The following HLA-DPA1 variants were observed in gnomAD, a reference collection of about 807,000 sequenced individuals.
The protein encoded by HLA-DPA1 is HLA class II histocompatibility antigen, DP alpha 1 chain.
Under a neutral mutation model 21.5 loss-of-function variants are expected in HLA-DPA1, and 20 were observed. The observed-to-expected ratio is 0.93, with a 90% CI of 0.66 to 1.35. HLA-DPA1 has a LOEUF of 1.35. Among genes scored for constraint, HLA-DPA1 ranks in the 40% most tolerant of loss-of-function variants. HLA-DPA1 has a pLI of 0.00. For missense variants in HLA-DPA1, 279 were observed against 323.0 expected (o/e 0.86, Z 1.05); for synonymous variants, 123 against 129.6 (o/e 0.95, Z 0.35).
chr6:33,071,518 T>A (rs28452918), intron 2 of HLA-DPA1, among the ~76,000 whole-genome samples: 43,978 of 152,072 alleles, frequency 0.29, 8,422 homozygotes, highest in East Asian at 0.69. Context: ...AGATTATTTT[T>A]CTTCAAAATA....
At chr6:33,070,769 C>T (rs2301223) in intron 2 of HLA-DPA1, among the ~76,000 whole-genome samples, 13,997 of 152,088 alleles carry the variant, frequency 0.092, 1,536 homozygotes, top group East Asian at 0.55. Flanking sequence ...AAACTCATGA[C>T]TTGGGGGTTT....
intron 2 of HLA-DPA1, among the ~76,000 whole-genome samples, chr6:33,071,376 A>G (rs973656665): frequency 1.3e-5 from 2 of 152,242 alleles, no homozygotes; most frequent in Non-Finnish European, 2.9e-5. Flanking sequence ...TAAAATAAAA[A>G]GACACAAAGT....
At chr6:33,073,601 C>A in exon 2 of HLA-DPA1, 1 of 1,524,822 alleles carries the variant, frequency 6.6e-7, no homozygotes, top group Non-Finnish European at 9.1e-7. Context: ...TGACTGTGAG[C>A]ACAGGAACAG....
At chr6:33,079,842 C>A in intron 1 of HLA-DPA1, 1 of 375,882 alleles carries the variant, frequency 2.7e-6, no homozygotes, top group South Asian at 2.1e-5. Flanking sequence ...CCAGGGTGCA[C>A]AGCTAAGAAA....
chr6:33,070,464 A>G (rs1032302941), intron 2 of HLA-DPA1, among the ~76,000 whole-genome samples: 1 of 152,156 alleles, frequency 6.6e-6, no homozygotes, highest in Non-Finnish European at 1.5e-5. Context: ...GGGGGAATGG[A>G]CATTTTCTTT....
chr6:33,080,285 TA>T lies in HLA-DPA1; in HGVS notation c.-100+394del. On this transcript the variant is annotated intron_variant, in intron 1 of 5. Coordinates refer to ENST00000419277, the Ensembl canonical transcript of HLA-DPA1. This position sits in a 1 kb window ranked among gnomAD's most constrained non-coding sequence, Gnocchi z 4.3. ...TGGAAATGTCAGTCAGGGAGTTAAG[TA>T]GGGGGAGCAGCTCCGCCCTCCACGT... 2.6e-6 allele frequency: 1 copy of T among 389,208 alleles called. No individual in the cohort carries two copies. Among genetic ancestry groups the T allele is most frequent in the Admixed American group, 3.5e-5 (1 of 28,750 alleles). 24.1% of individuals were successfully genotyped at this position (389,208 alleles called of 1,614,324 possible).
chr6:33,073,784 A>C (rs1011129713), intron 1 of HLA-DPA1, 135 bp from the exon 1 acceptor site: 43 of 526,620 alleles, frequency 8.2e-5, no homozygotes, highest in Non-Finnish European at 1.2e-4. Context: ...TGGGGAAGAG[A>C]TGGGAGAATT....
chr6:33,077,778 C>T (rs1245951361), intron 1 of HLA-DPA1, among the ~76,000 whole-genome samples: 1 of 152,084 alleles, frequency 6.6e-6, no homozygotes, highest in African/African-American at 2.4e-5. Flanking sequence ...TAGGACACAC[C>T]TAGAAGGTAC....
intron 1 of HLA-DPA1, among the ~76,000 whole-genome samples, chr6:33,077,519 C>T (rs930953531): frequency 6.6e-5 from 10 of 152,242 alleles, no homozygotes; most frequent in Admixed American, 5.9e-4. Context: ...CATCTCACAC[C>T]AGTTAAAATG....
intron 5 of HLA-DPA1, chr6:33,066,230 T>C (rs67247679): frequency 0.29 from 44,065 of 152,034 alleles, 8,450 homozygotes; most frequent in East Asian, 0.69. Context: ...GTAATCAAAA[T>C]ACTAGGACAC....
chr6:33,076,208 T>A, intron 1 of HLA-DPA1: 2 of 1,087,010 alleles, frequency 1.8e-6, no homozygotes, highest in Non-Finnish European at 2.7e-6. Flanking sequence ...ACGTTATCTT[T>A]AAGGGATCAA....
chr6:33,068,708 A>G lies in HLA-DPA1; in HGVS notation c.725T>C (p.Val242Ala), dbSNP rs764290968. Residue 242 changes from valine to alanine, a missense_variant, in exon 5 of 6, where the codon GTC becomes GCC. Physicochemically the swap from Val to Ala is moderately conservative, Grantham distance 64 (BLOSUM62 0). Transcript: ENST00000419277. ...AGAACGCAGAGACTTTATGATGAGG[A>G]CGGTGCCCACGATGATGCCGACTAG... 5 of 1,612,698 alleles carry G rather than the reference A, an allele frequency of 3.1e-6. No homozygotes were observed. In the East Asian group the frequency reaches 8.9e-5, roughly 29 times the overall value.
chr6:33,079,497 G>A (rs565484704), intron 1 of HLA-DPA1: 1 of 323,444 alleles, frequency 3.1e-6, no homozygotes, highest in East Asian at 8.6e-5. Context: ...CTCAAAAAGA[G>A]GACCAACAAG....
chr6:33,075,171 A>G lies in HLA-DPA1; in HGVS notation c.-99-1502T>C, dbSNP rs150009591. The stretch of plus-strand genomic sequence containing the variant: ...TTTTTCACTTTCTTCCTTATTTACC[A>G]GTCAATTTATATTCTCTATGGACTT... On this transcript the variant is annotated intron_variant, in intron 1 of 5. Transcript: ENST00000419277. Among the ~76,000 whole-genome samples, 541 of 152,304 alleles carry G rather than the reference A, an allele frequency of 3.6e-3. 3 individuals are homozygous for G. The highest frequency in any genetic ancestry group is 0.026 in the East Asian group (133 of 5,192).
intron 1 of HLA-DPA1, among the ~76,000 whole-genome samples, chr6:33,077,873 C>T (rs141779368): frequency 4.0e-5 from 6 of 150,772 alleles, no homozygotes; most frequent in African/African-American, 1.2e-4. Flanking sequence ...AACCTCTTAT[C>T]TATTACCTTG....
chr6:33,077,859 C>G (rs1762625399), intron 1 of HLA-DPA1, among the ~76,000 whole-genome samples: 1 of 151,900 alleles, frequency 6.6e-6, no homozygotes, highest in Non-Finnish European at 1.5e-5. Flanking sequence ...CCCTCAAGCC[C>G]TAAAACCTCT....
At chr6:33,076,968 G>C (rs965275316) in intron 1 of HLA-DPA1, among the ~76,000 whole-genome samples, 1 of 151,808 alleles carries the variant, frequency 6.6e-6, no homozygotes, top group African/African-American at 2.4e-5. Context: ...TGTGCACAAC[G>C]TGCAGGTTTG....
intron 2 of HLA-DPA1, among the ~76,000 whole-genome samples, chr6:33,071,904 A>G (rs72879627): frequency 0.19 from 29,299 of 151,998 alleles, 3,453 homozygotes; most frequent in African/African-American, 0.32. Flanking sequence ...GAAATAATAC[A>G]TAGATATTTG....
rs145820645 is a variant in HLA-DPA1, at chr6:33,074,857, T to C, written c.-99-1188A>G. ...CCAGGCAGTTACTAAAAAAACTGAG[T>C]TTTTCTCCACAATCCTCTCCTGGCC... On this transcript the variant is annotated intron_variant, in intron 1 of 5. Transcript: ENST00000419277. 3.6e-3 allele frequency among the ~76,000 whole-genome samples: 541 copies of C among 152,062 alleles called. 3 individuals are homozygous for C. The highest frequency in any genetic ancestry group is 0.026 in the East Asian group (133 of 5,180).
Sources: allele counts gnomAD v4.1 joint callset (sites outside exome capture counted in the v4.1 genomes callset), GRCh38; gene constraint gnomAD v4.1.1; non-coding constraint Gnocchi (gnomAD v3.1); transcripts MANE v1.5; gene names NCBI Gene and HGNC (gene_info 2026-07-23, HGNC 2026-07-21).